ATXN1: variants seen among roughly 807,000 people sequenced by gnomAD.
The protein encoded by ATXN1 is ataxin 1.
ATXN1 carries 8 observed loss-of-function variants against 56.4 expected under a neutral mutation model. That is an observed-to-expected ratio of 0.14 (90% CI 0.08 to 0.26). The LOEUF is 0.26. Ranked by LOEUF, ATXN1 falls within the 10% of genes least tolerant of loss-of-function variation. The pLI, the probability that ATXN1 is intolerant of heterozygous loss-of-function variation, is 1.00. For missense variants in ATXN1, 987 were observed against 1,106.5 expected (o/e 0.89, Z 1.53); for synonymous variants, 514 against 494.6 (o/e 1.04, Z -0.52).
intron 2 of ATXN1, among the ~76,000 whole-genome samples, chr6:16,686,374 A>G (rs533425602): frequency 1.3e-5 from 2 of 152,358 alleles, no homozygotes; most frequent in South Asian, 4.1e-4. Flanking sequence ...GAATTAGTGA[A>G]TTATCTTAAC....
At chr6:16,539,157 G>A (rs2113714616) in intron 4 of ATXN1, among the ~76,000 whole-genome samples, 1 of 152,278 alleles carries the variant, frequency 6.6e-6, no homozygotes, top group South Asian at 2.1e-4. Context: ...CTTAATCACA[G>A]GGCTAATGTG....
At position 16,327,247 on chromosome 6, in the gene ATXN1, G is replaced by A. The variant is rs1345961751; in HGVS notation, c.1064C>T (p.Pro355Leu). ...GACCACCACGTGCCTGGACTCGTAC[G>A]GGTGAGGAACCGACTTGCCGCCTGC... ...GKAGGKSVPHPYESRHVVVHP... is the reference protein window; with the variant it reads ...GKAGGKSVPHLYESRHVVVHP... The change falls in exon 7 of 8, where the codon CCG (proline) becomes CTG (leucine). Residue 355 changes from proline (P) to leucine (L), a missense_variant. Pro to Leu is a moderately conservative substitution (Grantham distance 98, BLOSUM62 -3). Coordinates refer to ENST00000436367, the MANE Select transcript of ATXN1 (RefSeq NM_001128164.2). 14 of 1,613,352 alleles carry A rather than the reference G, an allele frequency of 8.7e-6. No homozygotes were observed. Among genetic ancestry groups the A allele is most frequent in the South Asian group, 2.2e-5 (2 of 91,070 alleles).
chr6:16,580,213 G>A (rs1171813044), intron 4 of ATXN1, among the ~76,000 whole-genome samples: 1 of 152,132 alleles, frequency 6.6e-6, no homozygotes, highest in Non-Finnish European at 1.5e-5. Flanking sequence ...AGGGAGAAAG[G>A]GAACTGGATG....
intron 6 of ATXN1, among the ~76,000 whole-genome samples, chr6:16,398,725 C>T (rs1758505567): frequency 6.6e-6 from 1 of 152,138 alleles, no homozygotes; most frequent in African/African-American, 2.4e-5. Flanking sequence ...TGCAATATGT[C>T]TAAAATGATT....
At position 16,691,597 on chromosome 6, in the gene ATXN1, T is replaced by C. The variant is rs562009949; in HGVS notation, c.-614-33696A>G. Among the ~76,000 whole-genome samples, 4 of 152,318 alleles carry C rather than the reference T, an allele frequency of 2.6e-5. No individual in the cohort carries two copies. The East Asian group carries it at 7.7e-4, about 29-fold the overall frequency. ...AGCATAGTTCCTGAGTTGCAAAGCA[T>C]ATACAGGCTGAAGTACAATGTCAAG... On this transcript the variant is annotated intron_variant, in intron 2 of 7. Transcript: ENST00000436367.
intron 6 of ATXN1, among the ~76,000 whole-genome samples, chr6:16,481,533 G>C (rs1760438635): frequency 6.6e-6 from 1 of 152,104 alleles, no homozygotes; most frequent in East Asian, 1.9e-4. Flanking sequence ...TAGGAATAAA[G>C]TAATGCCTGC....
At chr6:16,742,147 G>A (rs1760362169) in intron 2 of ATXN1, among the ~76,000 whole-genome samples, 1 of 151,810 alleles carries the variant, frequency 6.6e-6, no homozygotes, top group African/African-American at 2.4e-5. Context: ...TTGTCTTATG[G>A]GTCTATGACC....
chr6:16,620,812 A>G (rs1314731654), intron 3 of ATXN1, among the ~76,000 whole-genome samples: 1 of 152,186 alleles, frequency 6.6e-6, no homozygotes, highest in Admixed American at 6.5e-5. Context: ...CATAAGTTCT[A>G]GGACCCCCAC....
At chr6:16,360,236 C>G (rs1761780499) in intron 6 of ATXN1, among the ~76,000 whole-genome samples, 1 of 152,140 alleles carries the variant, frequency 6.6e-6, no homozygotes, top group Non-Finnish European at 1.5e-5. Flanking sequence ...AACCCAGAAT[C>G]TGAATTAATG....
chr6:16,616,441 G>A (rs1763210274), intron 3 of ATXN1, among the ~76,000 whole-genome samples: 1 of 151,568 alleles, frequency 6.6e-6, no homozygotes, highest in South Asian at 2.1e-4. Flanking sequence ...TTGGGAGGCT[G>A]AGACAGAAGA....
intron 6 of ATXN1, among the ~76,000 whole-genome samples, chr6:16,429,802 A>G (rs1041340778): frequency 1.3e-5 from 2 of 152,120 alleles, no homozygotes; most frequent in Non-Finnish European, 2.9e-5. Context: ...AGCAGGTATT[A>G]CCACCTCCCT....
chr6:16,482,900 G>A (rs1760468450), intron 6 of ATXN1, among the ~76,000 whole-genome samples: 1 of 152,150 alleles, frequency 6.6e-6, no homozygotes, highest in Non-Finnish European at 1.5e-5. Flanking sequence ...TAAAATAAAC[G>A]TTCAATTGGC....
chr6:16,438,751 T>C (rs1346131216), intron 6 of ATXN1, among the ~76,000 whole-genome samples: 1 of 152,180 alleles, frequency 6.6e-6, no homozygotes, highest in Non-Finnish European at 1.5e-5. Context: ...TAGACTGAAA[T>C]TTAATAGCAA....
chr6:16,390,680 T>TACACACACACACA (rs60238072), intron 6 of ATXN1, among the ~76,000 whole-genome samples: 265 of 147,262 alleles, frequency 1.8e-3, no homozygotes, highest in African/African-American at 5.9e-3. Flanking sequence ...AATAAACACA[T>TACACACACACACA]CACACACACA....
At chr6:16,420,933 T>C (rs1018421) in intron 6 of ATXN1, among the ~76,000 whole-genome samples, 56,424 of 152,062 alleles carry the variant, frequency 0.37, 10,964 homozygotes, top group African/African-American at 0.48. Context: ...TTGCATAATG[T>C]CTCTGCGGTT....
At chr6:16,364,390 C>T (rs189934700) in intron 6 of ATXN1, among the ~76,000 whole-genome samples, 24 of 152,168 alleles carry the variant, frequency 1.6e-4, no homozygotes, top group African/African-American at 4.8e-4. Flanking sequence ...CTGCAAGCTC[C>T]GCCTCCACGT....
intron 5 of ATXN1, among the ~76,000 whole-genome samples, chr6:16,494,624 A>G (rs907072536): frequency 2.0e-5 from 3 of 152,162 alleles, no homozygotes; most frequent in Non-Finnish European, 4.4e-5. Context: ...CTCCTTATGG[A>G]CGTAGTGCAA....
chr6:16,585,772 A>G lies in ATXN1; in HGVS notation c.-361+8T>C, dbSNP rs1005722054. 1 of 152,130 alleles carries G rather than the reference A, an allele frequency of 6.6e-6. No individual in the cohort carries two copies. The highest frequency in any genetic ancestry group is 2.4e-5 in the African/African-American group (1 of 41,412). 9.4% of individuals were successfully genotyped at this position (152,130 alleles called of 1,614,324 possible). A position where few individuals can be genotyped will look rare whatever the true frequency, so the allele number is the denominator to read the frequency against. On this transcript the variant is annotated splice_region_variant and intron_variant, in intron 4 of 7. Coordinates refer to ENST00000436367, the MANE Select transcript of ATXN1 (RefSeq NM_001128164.2). ...TTATTTTCCTTTAAAGCTTTTGGAGATGTTTACCTGTACCATGTGCTTTCA... is the reference window on the plus strand; with the variant it reads ...TTATTTTCCTTTAAAGCTTTTGGAGGTGTTTACCTGTACCATGTGCTTTCA...
At chr6:16,466,480 G>T (rs542553336) in intron 6 of ATXN1, among the ~76,000 whole-genome samples, 1 of 152,206 alleles carries the variant, frequency 6.6e-6, no homozygotes, top group South Asian at 2.1e-4. Context: ...ATTGATATTG[G>T]CAGAAAAGAG....
Sources: gnomAD v4.1 joint callset for allele counts (sites outside exome capture counted in the v4.1 genomes callset) on GRCh38, gnomAD v4.1.1 for gene constraint, MANE v1.5 for transcripts, NCBI Gene and HGNC (gene_info 2026-07-23, HGNC 2026-07-21) for gene names.